RPS6KC1: variants seen among roughly 807,000 people sequenced by gnomAD.
RPS6KC1 encodes the protein ribosomal protein S6 kinase C1, also known as inactive ribosomal protein S6 kinase delta-1.
Under a neutral mutation model 103.8 loss-of-function variants are expected in RPS6KC1, and 54 were observed. That is an observed-to-expected ratio of 0.52 (90% CI 0.42 to 0.65). The LOEUF is 0.65. Ranked by LOEUF, RPS6KC1 falls within the 30% of genes least tolerant of loss-of-function variation. The pLI is 0.00. For missense variants in RPS6KC1, 1,151 were observed against 1,253.8 expected, an observed-to-expected ratio of 0.92 and a Z score of 1.24; for synonymous variants, 439 against 438.7, an observed-to-expected ratio of 1.00 and a Z score of -0.01.
chr1:213,695,207 A>G, the RPS6KC1 span, among the ~76,000 whole-genome samples: 2 of 152,244 alleles, frequency 1.3e-5, no homozygotes, highest in South Asian at 4.1e-4. Flanking sequence ...AAGATGAGTA[A>G]GAATTATTAC....
the RPS6KC1 span, among the ~76,000 whole-genome samples, chr1:213,458,517 A>C: frequency 6.6e-6 from 1 of 152,194 alleles, no homozygotes; most frequent in South Asian, 2.1e-4. Context: ...ATATATGCCC[A>C]GTAATGGTAT....
chr1:213,624,789 C>G, the RPS6KC1 span, among the ~76,000 whole-genome samples: 370 of 152,214 alleles, frequency 2.4e-3, 5 homozygotes, highest in Non-Finnish European at 1.6e-3. Flanking sequence ...TCTCTGGGGT[C>G]TCTTTTATAA....
chr1:213,092,359 A>T (rs921011873), intron 3 of RPS6KC1, among the ~76,000 whole-genome samples: 5 of 152,068 alleles, frequency 3.3e-5, no homozygotes, highest in African/African-American at 4.8e-5. Context: ...AAGTAATAGG[A>T]TTTTGGGGCT....
chr1:213,676,458 A>T, the RPS6KC1 span, among the ~76,000 whole-genome samples: 1 of 152,236 alleles, frequency 6.6e-6, no homozygotes, highest in Non-Finnish European at 1.5e-5. Context: ...CATACGTGGG[A>T]GGAGAAGTCC....
rs181336018 is a variant in RPS6KC1 at position 213,225,650 on chromosome 1, A to G, written c.1045-4847A>G. Among the ~76,000 whole-genome samples the G allele has an allele frequency of 1.2e-4, 18 of 152,236 alleles. No homozygotes were observed. In the East Asian group the frequency reaches 3.1e-3, roughly 26 times the overall value. ...GTGATCCACCCACCTTGGTCTCCCA[A>G]AATGCTGGGATTACAGGTGTGAGCC... On this transcript the variant is annotated intron_variant, in intron 8 of 14. Transcript: ENST00000366960.
the RPS6KC1 span, among the ~76,000 whole-genome samples, chr1:213,428,313 T>G: frequency 3.8e-3 from 576 of 152,318 alleles, 4 homozygotes; most frequent in African/African-American, 0.013. Context: ...TTTTACTTAC[T>G]TTAAGCAGAG....
chr1:213,195,985 G>T (rs550511880), intron 8 of RPS6KC1, among the ~76,000 whole-genome samples: 1 of 152,042 alleles, frequency 6.6e-6, no homozygotes, highest in East Asian at 1.9e-4. Context: ...TTTTCCTCTG[G>T]GTAGATACCC....
the RPS6KC1 span, among the ~76,000 whole-genome samples, chr1:213,304,184 C>T: frequency 3.4e-5 from 4 of 117,522 alleles, no homozygotes; most frequent in Non-Finnish European, 6.6e-5. Flanking sequence ...CCAGCCTGGG[C>T]GACAGAGCGA....
the RPS6KC1 span, among the ~76,000 whole-genome samples, chr1:213,733,116 A>T: frequency 6.6e-5 from 10 of 152,318 alleles, no homozygotes; most frequent in African/African-American, 2.2e-4. Flanking sequence ...GGGAGTGCAG[A>T]TACCTCTTTG....
chr1:213,217,849 A>G (rs1213257517), intron 8 of RPS6KC1, among the ~76,000 whole-genome samples: 16 of 152,196 alleles, frequency 1.1e-4, no homozygotes, highest in Non-Finnish European at 1.6e-4. Flanking sequence ...CTCTCAATAA[A>G]TTAGGTATTG....
the RPS6KC1 span, among the ~76,000 whole-genome samples, chr1:213,629,026 G>C: frequency 6.6e-6 from 1 of 152,006 alleles, no homozygotes; most frequent in Non-Finnish European, 1.5e-5. Context: ...TTTGGAATAG[G>C]TGTGGTGTAG....
At chr1:213,252,775 T>C (rs2094567774) in intron 12 of RPS6KC1, among the ~76,000 whole-genome samples, 1 of 152,190 alleles carries the variant, frequency 6.6e-6, no homozygotes, top group Non-Finnish European at 1.5e-5. Flanking sequence ...CTAGTGTATT[T>C]ACTACTGATT....
rs2094349178 is a variant in RPS6KC1, at chr1:213,241,404, G to GTC, written c.1928_1929insTC (p.Arg643SerfsTer11). The GTC allele has an allele frequency of 6.2e-7, 1 of 1,613,950 alleles. No individual in the cohort carries two copies. Among genetic ancestry groups the GTC allele is most frequent in the African/African-American group, 1.3e-5 (1 of 75,032 alleles). On this transcript the variant is annotated frameshift_variant, in exon 11 of 15. Coordinates refer to ENST00000366960, the MANE Select transcript of RPS6KC1 (RefSeq NM_012424.6). LOFTEE classifies it high-confidence loss of function. ...CTTCCAGATGGAGACAGTGCTTCTA[G>GTC]GAGTTTTAATACTAGTGAAAGCAAG...
the RPS6KC1 span, among the ~76,000 whole-genome samples, chr1:213,473,624 G>A: frequency 5.5e-4 from 84 of 152,332 alleles, no homozygotes; most frequent in African/African-American, 2.0e-3. Flanking sequence ...GTGATTTATA[G>A]GGAAGGGAGT....
chr1:213,602,094 T>TTCTTTC, the RPS6KC1 span, among the ~76,000 whole-genome samples: 7 of 35,252 alleles, frequency 2.0e-4, no homozygotes, highest in African/African-American at 9.2e-4. Context: ...CTTTCTTTCT[T>TTCTTTC]TCTTTCTTTC....
downstream of RPS6KC1, among the ~76,000 whole-genome samples, chr1:213,277,831 A>G (rs2095115097): frequency 6.6e-6 from 1 of 152,224 alleles, no homozygotes; most frequent in Non-Finnish European, 1.5e-5. Context: ...TTTGGGGTAC[A>G]TTTAGAATTG....
chr1:213,310,587 G>C, the RPS6KC1 span, among the ~76,000 whole-genome samples: 1 of 152,072 alleles, frequency 6.6e-6, no homozygotes, highest in Non-Finnish European at 1.5e-5. Flanking sequence ...AATAATACTT[G>C]ACATGATGTA....
chr1:213,272,382 T>G (rs1181850339), intron 14 of RPS6KC1, 142 bp from the exon 15 acceptor site: 2 of 641,836 alleles, frequency 3.1e-6, no homozygotes, highest in Non-Finnish European at 5.6e-6. Flanking sequence ...ATAGCTCCCT[T>G]TCAAGAAAAA....
the RPS6KC1 span, among the ~76,000 whole-genome samples, chr1:213,381,194 A>G: frequency 1.3e-5 from 2 of 152,180 alleles, no homozygotes; most frequent in East Asian, 1.9e-4. Context: ...GAAGCAAGAT[A>G]GTGGGATTCT....
Sources: allele counts gnomAD v4.1 joint callset (sites outside exome capture counted in the v4.1 genomes callset), GRCh38; gene constraint gnomAD v4.1.1; transcripts MANE v1.5; gene names NCBI Gene and HGNC (gene_info 2026-07-23, HGNC 2026-07-21).